The following BCAT1 variants were observed in gnomAD, a reference collection of about 807,000 sequenced individuals.
BCAT1 encodes branched-chain-amino-acid aminotransferase, cytosolic.
Under a neutral mutation model 52.4 loss-of-function variants are expected in BCAT1, and 48 were observed. The observed-to-expected ratio is 0.92, with a 90% CI of 0.73 to 1.16. The LOEUF (loss-of-function observed/expected upper bound fraction) is 1.16. BCAT1 is among the 50% of genes most tolerant of loss of function. The pLI, the probability that BCAT1 is intolerant of heterozygous loss-of-function variation, is 0.00. For missense variants in BCAT1, 451 were observed against 457.1 expected (o/e 0.99, Z 0.12); for synonymous variants, 167 against 161.3 (o/e 1.04, Z -0.27).
chr12:24,875,481 C>T (rs1486074792), intron 5 of BCAT1, among the ~76,000 whole-genome samples: 3 of 152,146 alleles, frequency 2.0e-5, no homozygotes, highest in Admixed American at 6.5e-5. Context: ...TCCTTCAATT[C>T]GTACCTCACA....
intron 10 of BCAT1, among the ~76,000 whole-genome samples, chr12:24,824,849 G>A (rs1940318841): frequency 1.3e-5 from 2 of 151,942 alleles, no homozygotes; most frequent in South Asian, 4.2e-4. Context: ...ATTTTTAAAT[G>A]TTCAGTTTAA....
At chr12:24,948,178 G>T (rs1943962747) in intron 1 of BCAT1, among the ~76,000 whole-genome samples, 1 of 152,160 alleles carries the variant, frequency 6.6e-6, no homozygotes, top group African/African-American at 2.4e-5. Context: ...ACTTTCCTTG[G>T]AAAAAGTTGC....
intron 5 of BCAT1, among the ~76,000 whole-genome samples, chr12:24,877,158 T>G (rs1184202790): frequency 6.6e-6 from 1 of 152,156 alleles, no homozygotes; most frequent in Non-Finnish European, 1.5e-5. Flanking sequence ...CCTATATATC[T>G]CTCTACCTTT....
chr12:24,844,495 A>C (rs918334411), intron 6 of BCAT1, among the ~76,000 whole-genome samples: 6 of 152,232 alleles, frequency 3.9e-5, no homozygotes, highest in African/African-American at 1.4e-4. Context: ...AACTGAAAGA[A>C]TATTGACTAA....
intron 5 of BCAT1, among the ~76,000 whole-genome samples, chr12:24,861,737 G>C (rs1941854268): frequency 6.6e-6 from 1 of 152,162 alleles, no homozygotes; most frequent in South Asian, 2.1e-4. Context: ...GATAAAATGA[G>C]CTGAGACCAC....
chr12:24,833,500 C>T (rs138294221), intron 8 of BCAT1, among the ~76,000 whole-genome samples: 244 of 152,146 alleles, frequency 1.6e-3, no homozygotes, highest in African/African-American at 5.8e-3. Flanking sequence ...GCCTGGGTGA[C>T]GGAGTGAGAC....
intron 7 of BCAT1, among the ~76,000 whole-genome samples, chr12:24,838,491 C>A (rs1941072058): frequency 7.3e-6 from 1 of 136,892 alleles, no homozygotes; most frequent in South Asian, 2.5e-4. Context: ...ATGTATGGAT[C>A]TATTTGTGTG....
At chr12:24,902,220 A>G (rs1316833058) in intron 1 of BCAT1, 1 of 1,419,638 alleles carries the variant, frequency 7.0e-7, no homozygotes, top group Non-Finnish European at 9.2e-7. Flanking sequence ...TATCCGAGCA[A>G]ATAGTCTAGA....
In BCAT1 at chr12:24,814,322, T is replaced by C. The variant is rs539230812; in HGVS notation, c.*3686A>G. The C allele has an allele frequency of 3.3e-5, 5 of 152,190 alleles. No individual in the cohort carries two copies. The East Asian group carries it at 9.7e-4, about 29-fold the overall frequency. The allele number at this position is 152,190 out of a possible 1,614,324, so 9.4% of individuals were successfully genotyped here. Reference sequence around the variant, plus strand: ...GATGAATATTTATTGCTCTAAATGTTTTAGAAACTATCACTCTTTGAAAGT... The same window carrying C: ...GATGAATATTTATTGCTCTAAATGTCTTAGAAACTATCACTCTTTGAAAGT... On this transcript the variant is annotated 3_prime_UTR_variant, in exon 11 of 11. Coordinates refer to ENST00000261192, the MANE Select transcript of BCAT1 (RefSeq NM_005504.7).
At chr12:24,840,335 T>A (rs760727532) in intron 7 of BCAT1, among the ~76,000 whole-genome samples, 3 of 152,066 alleles carry the variant, frequency 2.0e-5, no homozygotes, top group Admixed American at 6.6e-5. Flanking sequence ...TTGGTGGAGT[T>A]TGGGGTGGGG....
intron 6 of BCAT1, among the ~76,000 whole-genome samples, chr12:24,846,217 G>A (rs1941340098): frequency 6.6e-6 from 1 of 152,148 alleles, no homozygotes; most frequent in Non-Finnish European, 1.5e-5. Context: ...AAAGAAAAGG[G>A]TTTTTTATGT....
intron 6 of BCAT1, among the ~76,000 whole-genome samples, chr12:24,848,843 T>C (rs532809272): frequency 1.8e-4 from 28 of 152,334 alleles, no homozygotes; most frequent in African/African-American, 6.3e-4. Flanking sequence ...GTTGCTAAAG[T>C]TGCCAGTGGG....
intron 3 of BCAT1, among the ~76,000 whole-genome samples, chr12:24,887,297 T>C (rs1360464715): frequency 6.6e-6 from 1 of 151,396 alleles, no homozygotes; most frequent in Non-Finnish European, 1.5e-5. Context: ...GAGTGGACCA[T>C]GTCATCTCTG....
intron 5 of BCAT1, among the ~76,000 whole-genome samples, chr12:24,874,224 G>A (rs1164189968): frequency 6.6e-6 from 1 of 152,154 alleles, no homozygotes; most frequent in Non-Finnish European, 1.5e-5. Context: ...TGAGGCAGGA[G>A]AATCACTTGA....
chr12:24,866,299 G>A (rs1159204510), intron 5 of BCAT1, among the ~76,000 whole-genome samples: 1 of 152,080 alleles, frequency 6.6e-6, no homozygotes, highest in Admixed American at 6.5e-5. Flanking sequence ...CGCCGGGCCA[G>A]ATTTCTCGCC....
chr12:24,853,891 A>C (rs1373270537), intron 5 of BCAT1, among the ~76,000 whole-genome samples: 2 of 152,212 alleles, frequency 1.3e-5, no homozygotes, highest in African/African-American at 4.8e-5. Flanking sequence ...TTTAAAAAAA[A>C]ACATGAAAAA....
chr12:24,921,892 C>G (rs7953453), intron 1 of BCAT1, among the ~76,000 whole-genome samples: 1 of 152,088 alleles, frequency 6.6e-6, no homozygotes, highest in Non-Finnish European at 1.5e-5. Context: ...AGGTGCACAT[C>G]AAAGGAAAGC....
At chr12:24,838,419 G>C (rs1162082452) in intron 7 of BCAT1, among the ~76,000 whole-genome samples, 1 of 152,016 alleles carries the variant, frequency 6.6e-6, no homozygotes, top group African/African-American at 2.4e-5. Flanking sequence ...GTCATGTTTA[G>C]AAGTGTTGAT....
intron 5 of BCAT1, among the ~76,000 whole-genome samples, chr12:24,860,151 G>T (rs186862521): frequency 1.3e-5 from 2 of 152,204 alleles, no homozygotes; most frequent in Non-Finnish European, 1.5e-5. Flanking sequence ...TTTAAAAGAT[G>T]GTTTATAATC....
Sources: gnomAD v4.1 joint callset for allele counts (sites outside exome capture counted in the v4.1 genomes callset) on GRCh38, gnomAD v4.1.1 for gene constraint, MANE v1.5 for transcripts, NCBI Gene and HGNC (gene_info 2026-07-23, HGNC 2026-07-21) for gene names.